The following IQCK variants were observed in gnomAD, a reference collection of about 807,000 sequenced individuals.
The protein encoded by IQCK is IQ motif containing K, also known as IQ domain-containing protein K.
Under a neutral mutation model 28.1 loss-of-function variants are expected in IQCK, and 29 were observed. That is an observed-to-expected ratio of 1.03 (90% CI 0.77 to 1.41). IQCK has a LOEUF of 1.41. Among genes scored for constraint, IQCK ranks in the 40% most tolerant of loss-of-function variants. IQCK has a pLI of 0.00. For synonymous variants in IQCK, 113 were observed against 115.1 expected, an observed-to-expected ratio of 0.98 and a Z score of 0.12; for missense variants, 359 against 314.7, an observed-to-expected ratio of 1.14 and a Z score of -1.07.
At chr16:19,847,427 G>A (rs1013382080) in intron 9 of IQCK, among the ~76,000 whole-genome samples, 3 of 152,170 alleles carry the variant, frequency 2.0e-5, no homozygotes, top group Non-Finnish European at 2.9e-5. Flanking sequence ...CCCAACCACC[G>A]CCTGGATCCA....
chr16:19,846,801 G>A (rs34244691), intron 9 of IQCK, among the ~76,000 whole-genome samples: 11,369 of 152,054 alleles, frequency 0.075, 703 homozygotes, highest in South Asian at 0.28. Context: ...TTCTAGTTGG[G>A]GGCAGAGGGG....
intron 7 of IQCK, among the ~76,000 whole-genome samples, chr16:19,806,213 T>C (rs2055831567): frequency 6.6e-6 from 1 of 150,972 alleles, no homozygotes; most frequent in African/African-American, 2.4e-5. Context: ...AGCAAGAGAG[T>C]CAGTGTGTAA....
chr16:19,736,324 G>A (rs1321264853), intron 4 of IQCK: 53 of 368,530 alleles, frequency 1.4e-4, no homozygotes, highest in South Asian at 2.3e-4. Flanking sequence ...GTGCAGTGGC[G>A]TAATCATGGC....
At chr16:19,730,274 C>T (rs930133893) in intron 1 of IQCK, among the ~76,000 whole-genome samples, 156 bp from the exon 2 acceptor site, 2 of 152,100 alleles carry the variant, frequency 1.3e-5, no homozygotes, top group African/African-American at 4.8e-5. Context: ...ATTTTAAATA[C>T]CATTAAATGT....
chr16:19,736,261 T>C (rs1476855692), intron 4 of IQCK: 3 of 430,722 alleles, frequency 7.0e-6, no homozygotes, highest in Non-Finnish European at 1.4e-5. Flanking sequence ...GAAGTTTTAG[T>C]TTAGTATCTT....
At chr16:19,798,332 C>T (rs1400460783) in intron 7 of IQCK, among the ~76,000 whole-genome samples, 2 of 113,308 alleles carry the variant, frequency 1.8e-5, no homozygotes, top group Non-Finnish European at 3.1e-5. Context: ...GCAGGAGAAT[C>T]GCTTGAATCC....
At chr16:19,786,365 G>A (rs370482323) in intron 6 of IQCK, among the ~76,000 whole-genome samples, 10 of 150,896 alleles carry the variant, frequency 6.6e-5, no homozygotes, top group Non-Finnish European at 7.4e-5. Context: ...ACCACATAGC[G>A]AGACCCTGTC....
chr16:19,814,865 C>T (rs1427355284), intron 7 of IQCK, among the ~76,000 whole-genome samples: 1 of 148,532 alleles, frequency 6.7e-6, no homozygotes, highest in African/African-American at 2.5e-5. Flanking sequence ...ACATTGACTG[C>T]ACCCTCGACC....
chr16:19,718,787 G>C (rs1282169524), intron 1 of IQCK, among the ~76,000 whole-genome samples: 2 of 152,146 alleles, frequency 1.3e-5, no homozygotes, highest in East Asian at 3.9e-4. Flanking sequence ...ACCTCGGTTA[G>C]TGAACCGAAA....
Position 19,825,445 on chromosome 16 carries a change from G to A in IQCK, c.691-1581G>A, listed in dbSNP as rs188386760. ...TGAGGCAGGAGAATTGCTTGAACCCGGGAAGTGGAGGTTGCAGTGAGCTGA... is the reference window on the plus strand; with the variant it reads ...TGAGGCAGGAGAATTGCTTGAACCCAGGAAGTGGAGGTTGCAGTGAGCTGA... On this transcript the variant is annotated intron_variant, in intron 7 of 7. Coordinates refer to ENST00000564186, the Ensembl canonical transcript of IQCK. The surrounding 1 kb of genome is among the most constrained non-coding windows in gnomAD (Gnocchi z 4.2). Among the ~76,000 whole-genome samples, 401 of 152,118 alleles carry A rather than the reference G, an allele frequency of 2.6e-3. 2 individuals carry two copies. The highest frequency in any genetic ancestry group is 9.3e-3 in the African/African-American group (384 of 41,504).
intron 4 of IQCK, among the ~76,000 whole-genome samples, chr16:19,756,884 A>G (rs1464036191): frequency 2.0e-5 from 3 of 146,842 alleles, no homozygotes; most frequent in African/African-American, 7.9e-5. Flanking sequence ...ACAACAGAGC[A>G]AGGCTCCATG....
chr16:19,828,319 C>T (rs1210021638), downstream of IQCK, among the ~76,000 whole-genome samples: 2 of 150,124 alleles, frequency 1.3e-5, no homozygotes, highest in African/African-American at 4.9e-5. Flanking sequence ...CTGCAACCTC[C>T]GCCTCCTGGA....
At chr16:19,810,423 G>A (rs971542467) in intron 7 of IQCK, among the ~76,000 whole-genome samples, 10 of 151,958 alleles carry the variant, frequency 6.6e-5, no homozygotes, top group African/African-American at 2.2e-4. Flanking sequence ...TGTCAACCCA[G>A]GAGGTGGAGC....
chr16:19,764,523 C>G (rs1197877925), intron 6 of IQCK, among the ~76,000 whole-genome samples: 1 of 151,966 alleles, frequency 6.6e-6, no homozygotes, highest in African/African-American at 2.4e-5. Context: ...AAGAACATGA[C>G]AGATAAAATT....
At chr16:19,731,405 T>C (rs1370606361) in intron 2 of IQCK, among the ~76,000 whole-genome samples, 2 of 152,250 alleles carry the variant, frequency 1.3e-5, no homozygotes, top group African/African-American at 4.8e-5. Flanking sequence ...TCACTGCAGC[T>C]GCCTCTGACA....
At chr16:19,806,378 A>G (rs925850379) in intron 7 of IQCK, among the ~76,000 whole-genome samples, 4 of 151,450 alleles carry the variant, frequency 2.6e-5, no homozygotes, top group African/African-American at 9.7e-5. Flanking sequence ...AAAATACATT[A>G]TATATATATT....
intron 9 of IQCK, among the ~76,000 whole-genome samples, chr16:19,838,611 G>T (rs933349152): frequency 5.9e-5 from 9 of 152,280 alleles, no homozygotes; most frequent in African/African-American, 2.2e-4. Context: ...CAAACGTTGC[G>T]TGTCTGCAAA....
intron 4 of IQCK, among the ~76,000 whole-genome samples, chr16:19,746,952 A>T (rs1213986213): frequency 6.6e-6 from 1 of 152,210 alleles, no homozygotes; most frequent in Non-Finnish European, 1.5e-5. Flanking sequence ...TTTTTGCCAT[A>T]TAATAAACTA....
intron 4 of IQCK, chr16:19,736,113 T>C (rs1448345835): frequency 6.6e-6 from 3 of 455,712 alleles, no homozygotes; most frequent in East Asian, 1.4e-4. Flanking sequence ...TGGCTCTAGA[T>C]TGATTGTTCC....
Sources: allele counts gnomAD v4.1 joint callset (sites outside exome capture counted in the v4.1 genomes callset), GRCh38; gene constraint gnomAD v4.1.1; non-coding constraint Gnocchi (gnomAD v3.1); transcripts MANE v1.5; gene names NCBI Gene and HGNC (gene_info 2026-07-23, HGNC 2026-07-21).